Variants in STPG2 observed in about 807,000 individuals in gnomAD.
STPG2 encodes sperm-tail PG-rich repeat-containing protein 2.
Under a neutral mutation model 54.2 loss-of-function variants are expected in STPG2, and 56 were observed. The observed-to-expected ratio is 1.03, with a 90% CI of 0.83 to 1.29. STPG2 has a LOEUF of 1.29. STPG2 is among the 50% of genes most tolerant of loss of function. The pLI, the probability that STPG2 is intolerant of heterozygous loss-of-function variation, is 0.00. For missense variants in STPG2, 596 were observed against 544.9 expected (o/e 1.09, Z -0.93); for synonymous variants, 200 against 181.8 (o/e 1.10, Z -0.81).
chr4:98,049,603 T>A (rs907823545), intron 5 of STPG2, among the ~76,000 whole-genome samples: 1 of 152,230 alleles, frequency 6.6e-6, no homozygotes, highest in Non-Finnish European at 1.5e-5. Flanking sequence ...AAGCAACAAT[T>A]TATCTTTTGA....
At chr4:98,066,955 T>C (rs559475345) in intron 5 of STPG2, among the ~76,000 whole-genome samples, 1 of 152,314 alleles carries the variant, frequency 6.6e-6, no homozygotes, top group African/African-American at 2.4e-5. Context: ...TCCAATTCTC[T>C]TTTTAAGAGG....
At chr4:98,052,643 G>A (rs1363038919) in intron 5 of STPG2, among the ~76,000 whole-genome samples, 1 of 151,990 alleles carries the variant, frequency 6.6e-6, no homozygotes, top group South Asian at 2.1e-4. Flanking sequence ...AATATAAAAG[G>A]CTAAAAATAT....
At chr4:97,775,635 A>C (rs1232651546) in intron 9 of STPG2, among the ~76,000 whole-genome samples, 1 of 152,196 alleles carries the variant, frequency 6.6e-6, no homozygotes, top group African/African-American at 2.4e-5. Flanking sequence ...CCAGCCACAG[A>C]ATAAATTGGC....
At chr4:97,709,577 T>A (rs1436014615) in intron 10 of STPG2, among the ~76,000 whole-genome samples, 1 of 151,648 alleles carries the variant, frequency 6.6e-6, no homozygotes, top group Non-Finnish European at 1.5e-5. Context: ...TTTTCTAATA[T>A]TTAAAGGATT....
intron 10 of STPG2, among the ~76,000 whole-genome samples, chr4:97,615,994 G>A (rs569563206): frequency 3.0e-5 from 4 of 135,210 alleles, no homozygotes; most frequent in Non-Finnish European, 3.1e-5. Flanking sequence ...CTGAGATCAC[G>A]CCACTGTACT....
chr4:97,557,116 G>A (rs778701324), downstream of STPG2, among the ~76,000 whole-genome samples: 5 of 152,130 alleles, frequency 3.3e-5, no homozygotes, highest in Admixed American at 6.6e-5. Context: ...GGGAGGCGGA[G>A]GTTGCAGTGA....
chr4:97,503,644 A>G (rs575882387), intron 4 of STPG2, among the ~76,000 whole-genome samples: 94 of 151,522 alleles, frequency 6.2e-4, no homozygotes, highest in Non-Finnish European at 9.3e-4. Context: ...TATACTATAA[A>G]TTATAATGCA....
At chr4:97,542,562 C>T (rs530257422) in intron 4 of STPG2, among the ~76,000 whole-genome samples, 269 of 152,222 alleles carry the variant, frequency 1.8e-3, no homozygotes, top group Non-Finnish European at 3.0e-3. Flanking sequence ...GACAGTGTGG[C>T]GATTCCTCAG....
intron 10 of STPG2, among the ~76,000 whole-genome samples, chr4:97,639,686 T>G (rs1297876848): frequency 6.6e-6 from 1 of 151,954 alleles, no homozygotes; most frequent in African/African-American, 2.4e-5. Context: ...ATTCCAAAGT[T>G]TTTCCAGAAT....
intron 4 of STPG2, among the ~76,000 whole-genome samples, chr4:97,533,221 C>T (rs1404067665): frequency 1.3e-5 from 2 of 151,972 alleles, no homozygotes; most frequent in African/African-American, 4.8e-5. Context: ...AATATAATTA[C>T]ATAAAGAGTC....
chr4:98,078,391 G>A (rs899595757), intron 5 of STPG2, among the ~76,000 whole-genome samples: 2 of 151,810 alleles, frequency 1.3e-5, no homozygotes, highest in African/African-American at 4.8e-5. Flanking sequence ...AATTCCCCAG[G>A]ACCCTAGTCT....
Position 97,867,611 on chromosome 4 carries a change from G to A in STPG2, c.1045-26679C>T, listed in dbSNP as rs570352460. ...TGTTATAAAGCTACACATAACAGAA[G>A]CCTTATTACAGTATTGACCAAACAG... is the stretch of plus-strand genomic sequence containing the variant. On this transcript the variant is annotated intron_variant, in intron 8 of 10. Coordinates refer to ENST00000295268, the MANE Select transcript of STPG2 (RefSeq NM_174952.3). Among the ~76,000 whole-genome samples, 7 of 152,132 alleles carry A rather than the reference G, an allele frequency of 4.6e-5. No homozygotes were observed. The South Asian group carries it at 1.4e-3, about 32-fold the overall frequency.
chr4:97,686,176 A>C (rs10008398), intron 10 of STPG2, among the ~76,000 whole-genome samples: 89,434 of 151,864 alleles, frequency 0.59, 26,646 homozygotes, highest in South Asian at 0.68. Flanking sequence ...TTAATGTTGG[A>C]TTAAAGTTTT....
At chr4:97,763,611 C>T (rs1725953759) in intron 9 of STPG2, among the ~76,000 whole-genome samples, 8 of 152,098 alleles carry the variant, frequency 5.3e-5, no homozygotes, top group Admixed American at 5.2e-4. Flanking sequence ...GCATCATTAA[C>T]AGAACACAGC....
chr4:97,908,848 C>A (rs1363089951), intron 8 of STPG2, among the ~76,000 whole-genome samples: 1 of 131,766 alleles, frequency 7.6e-6, no homozygotes, highest in African/African-American at 2.9e-5. Context: ...GGGAACATCA[C>A]ATTCTGGGGA....
chr4:98,044,256 G>T (rs1405177080), intron 5 of STPG2, among the ~76,000 whole-genome samples: 1 of 151,970 alleles, frequency 6.6e-6, no homozygotes, highest in Non-Finnish European at 1.5e-5. Flanking sequence ...TTTGATCTAT[G>T]TATTTACCTT....
chr4:98,099,479 A>G (rs1376598166), intron 5 of STPG2, among the ~76,000 whole-genome samples: 1 of 152,166 alleles, frequency 6.6e-6, no homozygotes, highest in Non-Finnish European at 1.5e-5. Flanking sequence ...TGGCCAGGGG[A>G]TGAGGCTCAC....
chr4:97,783,831 C>A (rs917179002), intron 9 of STPG2, among the ~76,000 whole-genome samples: 2 of 151,970 alleles, frequency 1.3e-5, no homozygotes, highest in Non-Finnish European at 2.9e-5. Context: ...GGACAAAAAA[C>A]CAAACACCGC....
intron 10 of STPG2, among the ~76,000 whole-genome samples, chr4:97,665,582 A>G (rs1722498698): frequency 1.3e-5 from 2 of 152,100 alleles, no homozygotes; most frequent in South Asian, 4.1e-4. Context: ...GCAGGCCCAG[A>G]AAAAGTACTA....
Sources: gnomAD v4.1 joint callset for allele counts (sites outside exome capture counted in the v4.1 genomes callset) on GRCh38, gnomAD v4.1.1 for gene constraint, MANE v1.5 for transcripts, NCBI Gene and HGNC (gene_info 2026-07-23, HGNC 2026-07-21) for gene names.